Variants in GRHL3 observed in about 807,000 individuals in gnomAD.
GRHL3 encodes the protein grainyhead like transcription factor 3.
In GRHL3, 20 loss-of-function variants were observed where a neutral mutation model predicts 70.3. That is an observed-to-expected ratio of 0.28 (90% CI 0.20 to 0.41). The LOEUF is 0.41. Ranked by LOEUF, GRHL3 falls within the 10% of genes least tolerant of loss-of-function variation. GRHL3 has a pLI of 1.00. For missense variants in GRHL3, 637 were observed against 762.3 expected (o/e 0.84, Z 1.94); for synonymous variants, 299 against 299.9 (o/e 1.00, Z 0.03).
At chr1:24,335,448 GA>G (rs1639762449) in intron 3 of GRHL3, among the ~76,000 whole-genome samples, 1 of 152,202 alleles carries the variant, frequency 6.6e-6, no homozygotes, top group Non-Finnish European at 1.5e-5. Context: ...CCTCTGCTGG[GA>G]AGCCTTTTGA....
rs973588827 is a variant in GRHL3, at chr1:24,321,327, C to T, written c.17+1759C>T. ...CAGTTGCCTGCTGAGTAATTGCAGG[C>T]GGACTCCAAGCCACCATTTGAGATT... On this transcript the variant is annotated intron_variant, in intron 1 of 15. Transcript: ENST00000361548. The surrounding 1 kb of genome is among the most constrained non-coding windows in gnomAD (Gnocchi z 4.0). Among the ~76,000 whole-genome samples the T allele has an allele frequency of 6.6e-6, 1 of 152,174 alleles. No homozygotes were observed. Among genetic ancestry groups the T allele is most frequent in the Non-Finnish European group, 1.5e-5 (1 of 68,036 alleles).
chr1:24,345,550 G>A (rs2148662952), intron 12 of GRHL3, among the ~76,000 whole-genome samples: 1 of 151,092 alleles, frequency 6.6e-6, no homozygotes, highest in Non-Finnish European at 1.5e-5. Context: ...TTGTAAAAAG[G>A]GAAAGGAAAA....
Position 24,354,670 on chromosome 1 carries a change from G to A in GRHL3, c.*182G>A. 1 of 542,636 alleles carries A rather than the reference G, an allele frequency of 1.8e-6. No individual in the cohort carries two copies. The highest frequency in any genetic ancestry group is 3.2e-5 in the East Asian group (1 of 31,626). The allele number at this position is 542,636 out of a possible 1,614,324, so 33.6% of individuals were successfully genotyped here. On this transcript the variant is annotated 3_prime_UTR_variant, in exon 16 of 16. Transcript: ENST00000361548. ...CAGGGAGAGACCTAGGGGGTCCCCT[G>A]GCCTGGATCCCCATGGTATGCTTGA...
Position 24,320,994 on chromosome 1 carries a change from T to G in GRHL3, c.17+1426T>G, listed in dbSNP as rs115151499. On this transcript the variant is annotated intron_variant, in intron 1 of 15. Coordinates refer to ENST00000361548, the MANE Select transcript of GRHL3 (RefSeq NM_198173.3). ...TTAAGGCTGGTGGAGAACACACCAG[T>G]AACACCATTGTCATTTCATGTAGAA... is the stretch of plus-strand genomic sequence containing the variant. Among the ~76,000 whole-genome samples the G allele has an allele frequency of 6.0e-3, 908 of 152,324 alleles. 8 individuals carry two copies. The highest frequency in any genetic ancestry group is 0.021 in the African/African-American group (860 of 41,558).
At position 24,334,817 on chromosome 1, in the gene GRHL3, C is replaced by A; in HGVS notation, c.266+111C>A. 1 of 592,124 alleles carries A rather than the reference C, an allele frequency of 1.7e-6. No individual in the cohort carries two copies. Among genetic ancestry groups the A allele is most frequent in the Non-Finnish European group, 2.9e-6 (1 of 346,654 alleles). 36.7% of individuals were successfully genotyped at this position (592,124 alleles called of 1,614,324 possible). A position where few individuals can be genotyped will look rare whatever the true frequency, so the allele number is the denominator to read the frequency against. On this transcript the variant is annotated intron_variant, in intron 3 of 15. Transcript: ENST00000361548. This position sits in a 1 kb window ranked among gnomAD's most constrained non-coding sequence, Gnocchi z 4.3. Reference sequence around the variant, plus strand: ...GGCACAGGAGGCACAGTGCTGAGGGCCCACAACACATTTTGGGATTCATGA... The same window carrying A: ...GGCACAGGAGGCACAGTGCTGAGGGACCACAACACATTTTGGGATTCATGA...
intron 8 of GRHL3, 112 bp downstream of exon 8, chr1:24,339,874 T>G: frequency 1.6e-6 from 1 of 639,242 alleles, no homozygotes; most frequent in Non-Finnish European, 2.7e-6. Context: ...ACGAGGGCAC[T>G]CATGGAGGAG....
intron 15 of GRHL3, chr1:24,364,132 C>A: frequency 6.8e-7 from 1 of 1,468,570 alleles, no homozygotes; most frequent in South Asian, 1.4e-5. Context: ...TGAGAAACAC[C>A]AACTTTCCCT....
chr1:24,342,218 G>T lies in GRHL3; in HGVS notation c.1151G>T (p.Gly384Val). ...ATTGACACCTATGACTGTGGCTTGG[G>T]CACTGAGCGCCTGGTACACCGTGCT... Reference protein sequence around the residue: ...LQIDTYDCGLGTERLVHRAVC... With the variant: ...LQIDTYDCGLVTERLVHRAVC... The change falls in exon 9 of 16, where the codon GGC becomes GTC. Residue 384 changes from glycine to valine, a missense_variant. Coordinates refer to ENST00000361548, the MANE Select transcript of GRHL3 (RefSeq NM_198173.3). This position sits in a 1 kb window ranked among gnomAD's most constrained non-coding sequence, Gnocchi z 4.8. 1 of 1,613,470 alleles carries T rather than the reference G, an allele frequency of 6.2e-7. No homozygotes were observed. Among genetic ancestry groups the T allele is most frequent in the East Asian group, 2.2e-5 (1 of 44,888 alleles).
In GRHL3 at chr1:24,350,072, T is replaced by C. The variant is rs1640444073; in HGVS notation, c.1644T>C (p.Tyr548=). 2 of 1,613,244 alleles carry C rather than the reference T, an allele frequency of 1.2e-6. No individual in the cohort carries two copies. Among genetic ancestry groups the C allele is most frequent in the African/African-American group, 1.3e-5 (1 of 74,924 alleles). Residue 548 remains tyrosine (Y), a synonymous_variant, in exon 15 of 16, where the codon TAT becomes TAC. Transcript: ENST00000361548. ...KGLRNAISEK[Y]GFPEENIYKV... is the part of the protein sequence containing the mutation. ...TTTCCTTCCAGATCTCTGAGAAGTA[T>C]GGGTTCCCTGAAGAGAACATTTACA...
Position 24,321,278 on chromosome 1 carries a change from A to C in GRHL3, c.17+1710A>C, listed in dbSNP as rs116158716. ...GATCCGCTGACAGTTGAGGCTTCTC[A>C]GTTTGGGGTGGGGTGAGGGAAGCCA... On this transcript the variant is annotated intron_variant, in intron 1 of 15. Transcript: ENST00000361548. This position sits in a 1 kb window ranked among gnomAD's most constrained non-coding sequence, Gnocchi z 4.0. Among the ~76,000 whole-genome samples the C allele has an allele frequency of 0.044, 6,724 of 152,192 alleles. 207 individuals are homozygous for C. The highest frequency in any genetic ancestry group is 0.069 in the Non-Finnish European group (4,691 of 67,986).
At chr1:24,336,235 G>A (rs1320986829) in intron 3 of GRHL3, among the ~76,000 whole-genome samples, 9 of 149,424 alleles carry the variant, frequency 6.0e-5, no homozygotes, top group African/African-American at 2.0e-4. Flanking sequence ...TTTTTAATAA[G>A]TACTGTAATG....
intron 1 of GRHL3, among the ~76,000 whole-genome samples, chr1:24,324,775 C>T (rs963984702): frequency 6.6e-6 from 1 of 152,124 alleles, no homozygotes; most frequent in Admixed American, 6.5e-5. Context: ...CAGAGCTGGA[C>T]CTGGAACCCA....
At position 24,331,438 on chromosome 1, in the gene GRHL3, G is replaced by A. The variant is rs1318245259; in HGVS notation, c.30G>A (p.Val10=). ...TACTTGCATTCAGTTTCAGGTCTGT[G>A]CGGCTGCTAAAGAACGACCCAGTCA... MSNELDFRS[V]RLLKNDPVNL... is the part of the protein sequence containing the mutation. Residue 10 remains valine (V), a synonymous_variant, in exon 2 of 16, where the codon GTG becomes GTA. Coordinates refer to ENST00000361548, the MANE Select transcript of GRHL3 (RefSeq NM_198173.3). 3.1e-6 allele frequency: 5 copies of A among 1,612,534 alleles called. No homozygotes were observed. The highest frequency in any genetic ancestry group is 4.2e-6 in the Non-Finnish European group (5 of 1,179,184).
chr1:24,345,537 C>T (rs551178717), intron 12 of GRHL3, among the ~76,000 whole-genome samples: 18 of 151,214 alleles, frequency 1.2e-4, no homozygotes, highest in Admixed American at 9.8e-4. Context: ...GCGAGACACC[C>T]GCTTGTAAAA....
At chr1:24,347,327 G>A in intron 13 of GRHL3, 141 bp from the exon 14 acceptor site, 1 of 713,020 alleles carries the variant, frequency 1.4e-6, no homozygotes, top group Non-Finnish European at 2.5e-6. Flanking sequence ...GGAATCTGCA[G>A]AGCCGGCCAA....
chr1:24,357,146 A>G (rs1390754904), downstream of GRHL3: 4 of 147,248 alleles, frequency 2.7e-5, no homozygotes, highest in African/African-American at 1.0e-4. Context: ...GGTTCCCATT[A>G]GGCTTGCCTG....
chr1:24,357,929 GA>G, downstream of GRHL3: 1 of 326,286 alleles, frequency 3.1e-6, no homozygotes, highest in Non-Finnish European at 6.1e-6. Context: ...ACTCCAAAGA[GA>G]AAAAGGTCTA....
chr1:24,322,997 GCCAC>G lies in GRHL3; in HGVS notation c.17+3432_17+3435del. 7.8e-7 allele frequency: 1 copy of G among 1,285,236 alleles called. No homozygotes were observed. Among genetic ancestry groups the G allele is most frequent in the Non-Finnish European group, 1.1e-6 (1 of 907,798 alleles). 79.6% of individuals were successfully genotyped at this position (1,285,236 alleles called of 1,614,324 possible). On this transcript the variant is annotated intron_variant, in intron 1 of 15. Transcript: ENST00000361548. This position sits in a 1 kb window ranked among gnomAD's most constrained non-coding sequence, Gnocchi z 4.4. ...CCGGGTCTTAGCCGAGCAGCCATAG[GCCAC>G]CCCGCTTCCTCTGTGCTTAGCCTCT...
downstream of GRHL3, chr1:24,358,055 AAGTG>A (rs1640838249): frequency 2.7e-6 from 1 of 372,498 alleles, no homozygotes; most frequent in African/African-American, 2.1e-5. Context: ...GACATACCGT[AAGTG>A]AGTGAGGTCA....
Sources: allele counts gnomAD v4.1 joint callset (sites outside exome capture counted in the v4.1 genomes callset), GRCh38; gene constraint gnomAD v4.1.1; non-coding constraint Gnocchi (gnomAD v3.1); transcripts MANE v1.5; gene names NCBI Gene and HGNC (gene_info 2026-07-23, HGNC 2026-07-21).